The following CSMD3 variants were observed in gnomAD, a reference collection of about 807,000 sequenced individuals.
CSMD3 encodes CUB and sushi domain-containing protein 3.
A neutral mutation model predicts 435.2 loss-of-function variants in CSMD3; 177 were observed. The ratio of observed to expected loss-of-function variants is 0.41; its 90% confidence interval spans 0.36 to 0.46. CSMD3 has a LOEUF of 0.46. Ranked by LOEUF, CSMD3 falls within the 20% of genes least tolerant of loss-of-function variation. The pLI is 0.34. For missense variants in CSMD3, 4,265 were observed against 4,504.6 expected (o/e 0.95, Z 1.52); for synonymous variants, 1,656 against 1,520.5 (o/e 1.09, Z -2.07).
At chr8:112,346,504 T>C (rs1457917076) in intron 40 of CSMD3, among the ~76,000 whole-genome samples, 1 of 152,084 alleles carries the variant, frequency 6.6e-6, no homozygotes, top group Non-Finnish European at 1.5e-5. Context: ...AACAAAGACA[T>C]GTGCTTTGCC....
chr8:113,120,122 A>G (rs2131631758), intron 4 of CSMD3, among the ~76,000 whole-genome samples: 1 of 152,046 alleles, frequency 6.6e-6, no homozygotes, highest in East Asian at 1.9e-4. Flanking sequence ...ATACTCCAAA[A>G]AAGTCTAAGA....
intron 16 of CSMD3, among the ~76,000 whole-genome samples, chr8:112,681,628 G>A (rs1256863059): frequency 6.6e-6 from 1 of 152,036 alleles, no homozygotes; most frequent in Non-Finnish European, 1.5e-5. Context: ...CACTTTGGGA[G>A]GCCGAGGCAG....
At chr8:113,096,931 C>A (rs1268247409) in intron 5 of CSMD3, among the ~76,000 whole-genome samples, 1 of 152,076 alleles carries the variant, frequency 6.6e-6, no homozygotes, top group Non-Finnish European at 1.5e-5. Context: ...TACTCTTCCA[C>A]ATCTTTTCTT....
chr8:112,978,077 G>T (rs957769230), intron 6 of CSMD3, among the ~76,000 whole-genome samples: 2 of 151,780 alleles, frequency 1.3e-5, no homozygotes, highest in African/African-American at 4.8e-5. Context: ...TTTTATTTTT[G>T]ACAGGAATAT....
chr8:112,894,125 T>C (rs1475055074), intron 10 of CSMD3, among the ~76,000 whole-genome samples: 1 of 151,432 alleles, frequency 6.6e-6, no homozygotes, highest in Non-Finnish European at 1.5e-5. Context: ...TGAAAATAGA[T>C]GATTTCAGAA....
chr8:113,003,719 A>G (rs937760465), intron 6 of CSMD3, among the ~76,000 whole-genome samples: 2 of 152,028 alleles, frequency 1.3e-5, no homozygotes, highest in Admixed American at 6.6e-5. Flanking sequence ...TTAAGTTTAA[A>G]ACTAGGATTT....
intron 31 of CSMD3, among the ~76,000 whole-genome samples, chr8:112,478,180 T>A (rs1342479996): frequency 1.3e-5 from 2 of 152,148 alleles, no homozygotes; most frequent in African/African-American, 4.8e-5. Context: ...CTTTGTAAAT[T>A]GCCCAGTCTT....
chr8:113,271,475 G>A (rs949886946), intron 3 of CSMD3, among the ~76,000 whole-genome samples: 9 of 152,178 alleles, frequency 5.9e-5, no homozygotes, highest in South Asian at 2.1e-4. Context: ...GGTACAGCTC[G>A]GGCCATGGTT....
At chr8:112,744,563 T>C (rs1259782638) in intron 13 of CSMD3, among the ~76,000 whole-genome samples, 1 of 151,976 alleles carries the variant, frequency 6.6e-6, no homozygotes, top group Non-Finnish European at 1.5e-5. Context: ...TAAGTCATGG[T>C]TTCAAATGGA....
At chr8:113,038,782 A>G (rs1299927181) in intron 5 of CSMD3, among the ~76,000 whole-genome samples, 4 of 152,126 alleles carry the variant, frequency 2.6e-5, no homozygotes, top group Non-Finnish European at 4.4e-5. Context: ...CCCTCCCAAC[A>G]TGCATTTGCC....
chr8:112,478,557 A>G (rs1481893707), intron 31 of CSMD3, among the ~76,000 whole-genome samples: 1 of 152,166 alleles, frequency 6.6e-6, no homozygotes, highest in South Asian at 2.1e-4. Flanking sequence ...GTGCAAACTT[A>G]AAGTTAAGAG....
intron 1 of CSMD3, chr8:113,376,786 A>G (rs1200439789): frequency 6.2e-7 from 1 of 1,613,910 alleles, no homozygotes. Context: ...CAAAGGAACC[A>G]ACTCCACATT....
intron 65 of CSMD3, among the ~76,000 whole-genome samples, chr8:112,242,030 C>G (rs1362116668): frequency 6.6e-6 from 1 of 152,122 alleles, no homozygotes; most frequent in Non-Finnish European, 1.5e-5. Flanking sequence ...GCACAAGGGG[C>G]AGATTTGTGT....
chr8:112,289,488 C>T lies in CSMD3; in HGVS notation c.9025G>A (p.Glu3009Lys), dbSNP rs757229672. Residue 3009 changes from glutamate (E) to lysine (K), a missense_variant, in exon 57 of 71, where the codon GAG (glutamate) becomes AAG (lysine). Physicochemically the swap from Glu to Lys is moderately conservative, Grantham distance 56 (BLOSUM62 1). Transcript: ENST00000297405. ...GVPPNAVLSG[E>K]KYTFGSTVHY... ...ACAGTAGACCCAAAAGTATACTTCT[C>T]GCCAGACAGGACTGCATTAGGAGGA... 3.3e-5 allele frequency: 54 copies of T among 1,612,838 alleles called. No homozygotes were observed. The highest frequency in any genetic ancestry group is 4.3e-5 in the Non-Finnish European group (51 of 1,179,360).
chr8:112,314,689 G>A (rs1822299299), intron 47 of CSMD3, 72 bp from the exon 48 acceptor site: 1 of 1,014,776 alleles, frequency 9.9e-7, no homozygotes. Flanking sequence ...TTTAGATACT[G>A]AGTATTCTGC....
At chr8:113,375,733 TA>T (rs1182832125) in intron 1 of CSMD3, among the ~76,000 whole-genome samples, 3 of 151,986 alleles carry the variant, frequency 2.0e-5, no homozygotes, top group African/African-American at 7.3e-5. Flanking sequence ...TCTGCCAACA[TA>T]AAATCGGAGT....
chr8:112,569,361 A>G (rs1039497947), intron 24 of CSMD3, among the ~76,000 whole-genome samples: 3 of 152,110 alleles, frequency 2.0e-5, no homozygotes, highest in African/African-American at 7.2e-5. Flanking sequence ...TTTTTCTTAT[A>G]TGAACAAAAT....
At chr8:113,001,269 C>T (rs2085853534) in intron 6 of CSMD3, among the ~76,000 whole-genome samples, 1 of 152,082 alleles carries the variant, frequency 6.6e-6, no homozygotes, top group African/African-American at 2.4e-5. Flanking sequence ...TAAAATTCTT[C>T]TGTGTCTTCC....
chr8:113,091,744 ACTAT>A (rs2090010275), intron 5 of CSMD3, among the ~76,000 whole-genome samples: 1 of 151,072 alleles, frequency 6.6e-6, no homozygotes, highest in Non-Finnish European at 1.5e-5. Flanking sequence ...TTTTTGTTTT[ACTAT>A]CTTTTATATT....
Sources: gnomAD v4.1 joint callset for allele counts (sites outside exome capture counted in the v4.1 genomes callset) on GRCh38, gnomAD v4.1.1 for gene constraint, MANE v1.5 for transcripts, NCBI Gene and HGNC (gene_info 2026-07-23, HGNC 2026-07-21) for gene names.